The following LYPD6 variants were observed in gnomAD, a reference collection of about 807,000 sequenced individuals.
The protein encoded by LYPD6 is LY6/PLAUR domain containing 6.
In LYPD6, 15 loss-of-function variants were observed where a neutral mutation model predicts 22.7. That is an observed-to-expected ratio of 0.66 (90% confidence interval 0.44 to 1.02). The LOEUF is 1.02. Among genes scored for constraint, LYPD6 ranks in the 50% least tolerant of loss-of-function variants. LYPD6 has a pLI of 0.00. For missense variants in LYPD6, 189 were observed against 208.4 expected, an observed-to-expected ratio of 0.91 and a Z score of 0.57; for synonymous variants, 72 against 77.5, an observed-to-expected ratio of 0.93 and a Z score of 0.37.
chr2:149,402,129 T>TA lies in LYPD6; in HGVS notation c.-71-35497dup, dbSNP rs879643167. Among the ~76,000 whole-genome samples the TA allele has an allele frequency of 9.3e-4, 135 of 145,002 alleles. 1 individual carries two copies. The highest frequency in any genetic ancestry group is 1.6e-3 in the East Asian group (8 of 4,998). ...CGTTCTGCACGTGTATCCCAGAACT[T>TA]AAAAAAAAAAAAGAATAATAGTCTC... is the stretch of plus-strand genomic sequence containing the variant. On this transcript the variant is annotated intron_variant, in intron 1 of 4. Coordinates refer to ENST00000334166, the MANE Select transcript of LYPD6 (RefSeq NM_194317.5).
intron 1 of LYPD6, among the ~76,000 whole-genome samples, chr2:149,366,422 G>A (rs1028388328): frequency 2.0e-5 from 3 of 152,172 alleles, no homozygotes; most frequent in African/African-American, 7.2e-5. Context: ...TGACCCCTTG[G>A]CAGAGAAAGA....
At chr2:149,437,320 G>A (rs1303160817) in intron 1 of LYPD6, among the ~76,000 whole-genome samples, 2 of 151,962 alleles carry the variant, frequency 1.3e-5, no homozygotes, top group Admixed American at 6.6e-5. Flanking sequence ...CTTCTTTATC[G>A]TACTCTGGCA....
chr2:149,350,393 C>T (rs1460299006), intron 1 of LYPD6, among the ~76,000 whole-genome samples: 1 of 152,166 alleles, frequency 6.6e-6, no homozygotes, highest in East Asian at 1.9e-4. Flanking sequence ...TTTGGCATAA[C>T]CAGGTGTGAC....
intron 1 of LYPD6, among the ~76,000 whole-genome samples, chr2:149,343,681 A>G (rs1171504207): frequency 6.6e-6 from 1 of 152,194 alleles, no homozygotes; most frequent in Non-Finnish European, 1.5e-5. Flanking sequence ...GTGGGTGGAA[A>G]GGAAAGATGT....
intron 1 of LYPD6, among the ~76,000 whole-genome samples, chr2:149,409,455 G>A (rs545658046): frequency 1.4e-4 from 21 of 152,146 alleles, no homozygotes; most frequent in Non-Finnish European, 2.6e-4. Context: ...CTTGCCCTAG[G>A]GACACCTGGT....
intron 3 of LYPD6, among the ~76,000 whole-genome samples, chr2:149,463,304 A>G (rs1055766987): frequency 1.3e-5 from 2 of 152,218 alleles, no homozygotes; most frequent in African/African-American, 4.8e-5. Context: ...ATTAGCCATA[A>G]GGGAAATGCA....
At chr2:149,371,018 GT>G (rs766933619) in intron 1 of LYPD6, among the ~76,000 whole-genome samples, 2 of 152,174 alleles carry the variant, frequency 1.3e-5, no homozygotes, top group Non-Finnish European at 2.9e-5. Flanking sequence ...AAGCTTTGAG[GT>G]TGTCTTTCTC....
chr2:149,440,718 T>G (rs1683544892), intron 2 of LYPD6, among the ~76,000 whole-genome samples: 1 of 130,182 alleles, frequency 7.7e-6, no homozygotes, highest in Admixed American at 7.7e-5. Context: ...TTTTTTTTTT[T>G]GAGACAGAGT....
chr2:149,397,430 A>C (rs559490987), intron 1 of LYPD6, among the ~76,000 whole-genome samples: 1 of 152,300 alleles, frequency 6.6e-6, no homozygotes, highest in African/African-American at 2.4e-5. Flanking sequence ...GCTGGTCTTC[A>C]TAATGTCTTG....
intron 3 of LYPD6, among the ~76,000 whole-genome samples, chr2:149,450,049 T>C (rs1381949408): frequency 6.6e-6 from 1 of 152,114 alleles, no homozygotes; most frequent in Non-Finnish European, 1.5e-5. Flanking sequence ...GAAACCAAAA[T>C]TAAAGGAAAC....
At chr2:149,406,429 C>T (rs1682709884) in intron 1 of LYPD6, among the ~76,000 whole-genome samples, 1 of 150,154 alleles carries the variant, frequency 6.7e-6, no homozygotes, top group South Asian at 2.1e-4. Context: ...GTATTGGGTG[C>T]ATATATATTT....
At chr2:149,377,401 C>T (rs76149786) in intron 1 of LYPD6, among the ~76,000 whole-genome samples, 2,259 of 152,042 alleles carry the variant, frequency 0.015, 63 homozygotes, top group African/African-American at 0.051. Context: ...AGGGATGCTG[C>T]GAGAGGCAGG....
chr2:149,353,550 G>T (rs1054941384), intron 1 of LYPD6, among the ~76,000 whole-genome samples: 4 of 152,106 alleles, frequency 2.6e-5, no homozygotes, highest in Non-Finnish European at 5.9e-5. Context: ...AAAGTGCTTT[G>T]AACCTGTGAT....
chr2:149,378,911 G>T (rs916182849), intron 1 of LYPD6, among the ~76,000 whole-genome samples: 22 of 152,304 alleles, frequency 1.4e-4, no homozygotes, highest in Non-Finnish European at 5.9e-5. Flanking sequence ...TCCTTGACCG[G>T]AATATAGATC....
intron 1 of LYPD6, among the ~76,000 whole-genome samples, chr2:149,415,583 T>TC (rs1337834843): frequency 6.6e-6 from 1 of 151,834 alleles, no homozygotes; most frequent in Non-Finnish European, 1.5e-5. Flanking sequence ...AATGCAGGTC[T>TC]CACCCTTAAC....
At chr2:149,347,272 T>A (rs1367263636) in intron 1 of LYPD6, among the ~76,000 whole-genome samples, 1 of 152,184 alleles carries the variant, frequency 6.6e-6, no homozygotes, top group Non-Finnish European at 1.5e-5. Flanking sequence ...AGCCCCACCA[T>A]CATGATCTCC....
chr2:149,477,641 A>G (rs1477176578), downstream of LYPD6, among the ~76,000 whole-genome samples: 5 of 150,844 alleles, frequency 3.3e-5, no homozygotes, highest in East Asian at 1.9e-4. Flanking sequence ...AAAAAAAAAA[A>G]AAAAAAAGAA....
chr2:149,408,292 G>GT (rs946171494), intron 1 of LYPD6, among the ~76,000 whole-genome samples: 3 of 152,094 alleles, frequency 2.0e-5, no homozygotes, highest in African/African-American at 7.2e-5. Context: ...TTTTCAATAT[G>GT]TTTTTCTTTA....
At chr2:149,454,693 A>G (rs986678853) in intron 3 of LYPD6, among the ~76,000 whole-genome samples, 1 of 152,118 alleles carries the variant, frequency 6.6e-6, no homozygotes, top group Non-Finnish European at 1.5e-5. Context: ...ACCACTTACA[A>G]TCTCACCAGC....
Sources: gnomAD v4.1 joint callset for allele counts (sites outside exome capture counted in the v4.1 genomes callset) on GRCh38, gnomAD v4.1.1 for gene constraint, MANE v1.5 for transcripts, NCBI Gene and HGNC (gene_info 2026-07-23, HGNC 2026-07-21) for gene names.